GNAL: variants seen among roughly 807,000 people sequenced by gnomAD.
GNAL encodes guanine nucleotide-binding protein G(olf) subunit alpha.
A neutral mutation model predicts 55.1 loss-of-function variants in GNAL; 18 were observed. The ratio of observed to expected loss-of-function variants is 0.33; its 90% CI spans 0.23 to 0.48. The LOEUF is 0.48. GNAL is among the 20% of genes least tolerant of loss of function. GNAL has a pLI of 0.99. For missense variants in GNAL, 412 were observed against 614.1 expected (o/e 0.67, Z 3.48); for synonymous variants, 253 against 237.0 (o/e 1.07, Z -0.62).
intron 3 of GNAL, 66 bp downstream of exon 3, chr18:11,753,748 G>T: frequency 1.4e-6 from 2 of 1,480,936 alleles, no homozygotes; most frequent in Non-Finnish European, 1.9e-6. Flanking sequence ...AAACTGTGTA[G>T]ACAGAAATTA....
At position 11,872,366 on chromosome 18, in the gene GNAL, C is replaced by A. The variant is rs1475151696; in HGVS notation, c.1130C>A (p.Pro377Gln). The A allele has an allele frequency of 6.4e-7, 1 of 1,559,242 alleles. No homozygotes were observed. ...AGKSKIEDYF[P>Q]EYANYTVPED... ...AAATCAAAAATTGAAGACTATTTCC[C>A]AGAATATGCAAATTATACTGTTCCT... Residue 377 changes from proline to glutamine, a missense_variant, in exon 10 of 12, where the codon CCA becomes CAA. Coordinates refer to ENST00000334049, the MANE Select transcript of GNAL (RefSeq NM_182978.4).
intron 5 of GNAL, among the ~76,000 whole-genome samples, chr18:11,836,514 G>A (rs559961301): frequency 2.7e-3 from 406 of 152,246 alleles, no homozygotes; most frequent in Non-Finnish European, 4.2e-3. Context: ...GTACCCAAGT[G>A]TAGCTGTAAG....
chr18:11,866,945 G>T lies in GNAL; in HGVS notation c.852-223G>T, dbSNP rs73411404. Among the ~76,000 whole-genome samples, 265 of 152,202 alleles carry T rather than the reference G, an allele frequency of 1.7e-3. 1 individual carries two copies. Among genetic ancestry groups the T allele is most frequent in the African/African-American group, 6.2e-3 (256 of 41,536 alleles). On this transcript the variant is annotated intron_variant, in intron 7 of 11. Transcript: ENST00000334049. ...GTCTGCTTGATCTGTCACCCCTGTAGCCCCACTGTGGGGTGACTGAGGAGG... is the reference window on the plus strand; with the variant it reads ...GTCTGCTTGATCTGTCACCCCTGTATCCCCACTGTGGGGTGACTGAGGAGG...
At chr18:11,855,281 A>G (rs949798234) in intron 5 of GNAL, among the ~76,000 whole-genome samples, 1 of 151,340 alleles carries the variant, frequency 6.6e-6, no homozygotes, top group African/African-American at 2.4e-5. Flanking sequence ...TAACTACAAG[A>G]TTTTTTTTCA....
intron 4 of GNAL, among the ~76,000 whole-genome samples, chr18:11,804,862 G>A (rs1431831158): frequency 7.7e-5 from 11 of 142,842 alleles, no homozygotes; most frequent in South Asian, 4.6e-4. Context: ...TGAAGTACAG[G>A]TGCAGTTTGG....
At chr18:11,800,743 G>T (rs1238785146) in intron 4 of GNAL, among the ~76,000 whole-genome samples, 3 of 152,162 alleles carry the variant, frequency 2.0e-5, no homozygotes, top group Admixed American at 6.5e-5. Flanking sequence ...TTTCTCTTCC[G>T]CAGGCTTCTC....
intron 1 of GNAL, among the ~76,000 whole-genome samples, chr18:11,701,155 T>C (rs368990958): frequency 6.6e-6 from 1 of 152,264 alleles, no homozygotes; most frequent in African/African-American, 2.4e-5. Flanking sequence ...GGCAACAGTG[T>C]GGGTCAAGAA....
chr18:11,851,548 T>C, intron 5 of GNAL: 1 of 1,608,020 alleles, frequency 6.2e-7, no homozygotes, highest in Non-Finnish European at 8.5e-7. Flanking sequence ...CAACCTGAAG[T>C]TCGCGGCCAA....
chr18:11,716,011 T>G (rs2031955163), intron 1 of GNAL, among the ~76,000 whole-genome samples: 1 of 152,136 alleles, frequency 6.6e-6, no homozygotes, highest in African/African-American at 2.4e-5. Context: ...CAGATGCTGG[T>G]AAGGTTGTGG....
Position 11,882,132 on chromosome 18 carries a change from T to A in GNAL, c.*997T>A, listed in dbSNP as rs1219891149. 1 of 152,212 alleles carries A rather than the reference T, an allele frequency of 6.6e-6. No homozygotes were observed. The highest frequency in any genetic ancestry group is 1.5e-5 in the Non-Finnish European group (1 of 68,048). The allele number at this position is 152,212 out of a possible 1,614,324, so 9.4% of individuals were successfully genotyped here. A position where few individuals can be genotyped will look rare whatever the true frequency, so the allele number is the denominator to read the frequency against. ...AATCATCCACATTCTATCGACAATG[T>A]ACCAACATCACAAGCTGTTGCAACC... is the stretch of plus-strand genomic sequence containing the variant. On this transcript the variant is annotated 3_prime_UTR_variant, in exon 12 of 12. Coordinates refer to ENST00000334049, the MANE Select transcript of GNAL (RefSeq NM_182978.4).
chr18:11,802,403 G>A (rs1334143233), intron 4 of GNAL, among the ~76,000 whole-genome samples: 1 of 152,104 alleles, frequency 6.6e-6, no homozygotes, highest in Admixed American at 6.6e-5. Flanking sequence ...TTGGTGATGT[G>A]GTTGAATTCC....
chr18:11,769,248 AG>A (rs2033557793), intron 4 of GNAL, among the ~76,000 whole-genome samples: 1 of 148,566 alleles, frequency 6.7e-6, no homozygotes, highest in South Asian at 2.1e-4. Context: ...TAAGGCATGT[AG>A]TTTAATGCTA....
intron 1 of GNAL, among the ~76,000 whole-genome samples, chr18:11,734,919 T>G (rs1298083388): frequency 6.8e-6 from 1 of 146,174 alleles, no homozygotes; most frequent in Non-Finnish European, 1.5e-5. Context: ...TAGAACCGGT[T>G]TGATGGACTT....
At chr18:11,764,563 T>A (rs766150676) in intron 4 of GNAL, among the ~76,000 whole-genome samples, 1 of 152,200 alleles carries the variant, frequency 6.6e-6, no homozygotes, top group Non-Finnish European at 1.5e-5. Context: ...TCCCAGCACT[T>A]TGGGAGGCCC....
At chr18:11,785,366 G>A (rs375957719) in intron 4 of GNAL, among the ~76,000 whole-genome samples, 25 of 152,290 alleles carry the variant, frequency 1.6e-4, no homozygotes, top group East Asian at 1.2e-3. Flanking sequence ...GGGATGCTCC[G>A]TGGTAAGCCT....
At chr18:11,748,669 A>G (rs1394930921) in intron 1 of GNAL, among the ~76,000 whole-genome samples, 8 of 152,142 alleles carry the variant, frequency 5.3e-5, no homozygotes, top group African/African-American at 1.9e-4. Context: ...TAAAAATGTG[A>G]CTTCTAGGTT....
chr18:11,792,440 C>T (rs970144234), intron 4 of GNAL, among the ~76,000 whole-genome samples: 1 of 152,198 alleles, frequency 6.6e-6, no homozygotes, highest in African/African-American at 2.4e-5. Context: ...CCCGCCTTGG[C>T]CTCCCAAAGT....
At chr18:11,715,803 G>A (rs1187727703) in intron 1 of GNAL, among the ~76,000 whole-genome samples, 1 of 152,000 alleles carries the variant, frequency 6.6e-6, no homozygotes, top group African/African-American at 2.4e-5. Flanking sequence ...CTGGGAGCAG[G>A]GTGGTAGTAA....
At chr18:11,696,522 C>T (rs992201045) in intron 1 of GNAL, among the ~76,000 whole-genome samples, 7 of 148,970 alleles carry the variant, frequency 4.7e-5, no homozygotes, top group African/African-American at 1.0e-4. Flanking sequence ...AAAAAAAGCA[C>T]GCATAACACA....
Sources: allele counts gnomAD v4.1 joint callset (sites outside exome capture counted in the v4.1 genomes callset), GRCh38; gene constraint gnomAD v4.1.1; transcripts MANE v1.5; gene names NCBI Gene and HGNC (gene_info 2026-07-23, HGNC 2026-07-21).